Variants in CMSS1 observed in about 807,000 individuals in gnomAD.
CMSS1 encodes cms1 ribosomal small subunit homolog, also known as protein CMSS1.
A neutral mutation model predicts 43.5 loss-of-function variants in CMSS1; 33 were observed. The ratio of observed to expected loss-of-function variants is 0.76; its 90% CI spans 0.57 to 1.01. The LOEUF (loss-of-function observed/expected upper bound fraction) is 1.01. Ranked by LOEUF, CMSS1 falls within the 50% of genes least tolerant of loss-of-function variation. The pLI, the probability that CMSS1 is intolerant of heterozygous loss-of-function variation, is 0.00. For missense variants in CMSS1, 313 were observed against 326.4 expected (o/e 0.96, Z 0.32); for synonymous variants, 115 against 117.2 (o/e 0.98, Z 0.12).
chr3:100,025,529 G>A (rs992076196), intron 1 of CMSS1: 3 of 152,102 alleles, frequency 2.0e-5, no homozygotes, highest in East Asian at 1.9e-4. Flanking sequence ...ACGAAGGAAC[G>A]GGGAAAGATG....
chr3:100,106,812 A>G (rs1217822463), intron 1 of CMSS1, among the ~76,000 whole-genome samples: 2 of 152,142 alleles, frequency 1.3e-5, no homozygotes, highest in African/African-American at 2.4e-5. Flanking sequence ...TCCCTGTAGT[A>G]TGTTTTCATA....
intron 1 of CMSS1, among the ~76,000 whole-genome samples, chr3:100,004,871 G>A (rs1026855117): frequency 2.6e-5 from 4 of 152,168 alleles, no homozygotes; most frequent in African/African-American, 9.7e-5. Flanking sequence ...AGAGATTAGA[G>A]GCAGGAGAAT....
intron 1 of CMSS1, among the ~76,000 whole-genome samples, chr3:100,071,090 CTTTTTT>C (rs61563009): frequency 1.4e-3 from 102 of 70,584 alleles, no homozygotes; most frequent in African/African-American, 3.9e-3. Context: ...GCTACTCTCT[CTTTTTT>C]TTTTTTTTTT....
chr3:99,986,328 T>C (rs945581794), intron 1 of CMSS1, among the ~76,000 whole-genome samples: 2 of 152,184 alleles, frequency 1.3e-5, no homozygotes, highest in South Asian at 4.1e-4. Context: ...CTCCACTCCA[T>C]TGCCATAAAG....
chr3:99,959,302 A>T (rs1262223127), intron 1 of CMSS1, among the ~76,000 whole-genome samples: 3 of 152,272 alleles, frequency 2.0e-5, no homozygotes, highest in Middle Eastern at 3.4e-3. Flanking sequence ...GATGTGCAGC[A>T]CTGTGCCCAG....
At chr3:99,893,464 C>A (rs909655134) in intron 1 of CMSS1, among the ~76,000 whole-genome samples, 1 of 152,016 alleles carries the variant, frequency 6.6e-6, no homozygotes, top group East Asian at 1.9e-4. Context: ...CTCGCCCAGC[C>A]GGCATCTAGA....
chr3:100,150,083 T>C (rs1399913952), intron 2 of CMSS1, among the ~76,000 whole-genome samples: 2 of 152,066 alleles, frequency 1.3e-5, no homozygotes, highest in East Asian at 3.9e-4. Context: ...ATCCTCTCTC[T>C]CCCACTGCTC....
rs369022429 is a variant in CMSS1 at position 100,051,119 on chromosome 3, GAC to G, written c.65-95852_65-95851del. The G allele has an allele frequency of 1.2e-4, 18 of 152,046 alleles. 1 individual carries two copies. The East Asian group carries it at 3.5e-3, about 29-fold the overall frequency. 9.4% of individuals were successfully genotyped at this position (152,046 alleles called of 1,614,324 possible). A position where few individuals can be genotyped will look rare whatever the true frequency, so the allele number is the denominator to read the frequency against. On this transcript the variant is annotated intron_variant, in intron 1 of 9. Transcript: ENST00000421999. ...TTGAATAATATATACTTATTATAAA[GAC>G]AGTTGTTAAGATCAGTGAAACCCTT... is the stretch of plus-strand genomic sequence containing the variant.
chr3:99,979,854 T>C (rs1709069992), intron 1 of CMSS1, among the ~76,000 whole-genome samples: 1 of 152,140 alleles, frequency 6.6e-6, no homozygotes, highest in Non-Finnish European at 1.5e-5. Context: ...ATAGGTATAA[T>C]ATGAAGTTGA....
chr3:100,152,506 T>TA (rs1223669448), intron 2 of CMSS1, among the ~76,000 whole-genome samples: 3 of 152,166 alleles, frequency 2.0e-5, no homozygotes, highest in Admixed American at 6.5e-5. Context: ...GCAGCTTGTT[T>TA]AAAAAAATCT....
chr3:100,170,214 T>C (rs140314123), intron 6 of CMSS1, among the ~76,000 whole-genome samples: 87 of 152,346 alleles, frequency 5.7e-4, no homozygotes, highest in South Asian at 1.0e-3. Context: ...CATGATTCAC[T>C]ATTTTGCAAA....
intron 1 of CMSS1, among the ~76,000 whole-genome samples, chr3:99,865,755 AAT>A (rs57042892): frequency 1.0e-4 from 15 of 149,506 alleles, no homozygotes; most frequent in South Asian, 2.1e-4. Context: ...CATAATAATA[AAT>A]ATATATATAT....
At chr3:99,852,592 C>T (rs907476781) in intron 1 of CMSS1, among the ~76,000 whole-genome samples, 4 of 151,948 alleles carry the variant, frequency 2.6e-5, no homozygotes, top group African/African-American at 4.8e-5. Flanking sequence ...ATTATAGGCA[C>T]GCACCACCAC....
At chr3:99,918,671 A>G (rs1483143371) in intron 1 of CMSS1, among the ~76,000 whole-genome samples, 1 of 152,190 alleles carries the variant, frequency 6.6e-6, no homozygotes, top group Non-Finnish European at 1.5e-5. Context: ...GTCATGATGG[A>G]CGGTCCTAAA....
intron 1 of CMSS1, among the ~76,000 whole-genome samples, chr3:99,886,577 G>A (rs1447750097): frequency 6.6e-6 from 1 of 151,998 alleles, no homozygotes; most frequent in Non-Finnish European, 1.5e-5. Flanking sequence ...GGGGTAGATA[G>A]AACAAACAAA....
intron 2 of CMSS1, among the ~76,000 whole-genome samples, chr3:100,155,190 A>C (rs147219394): frequency 6.8e-4 from 104 of 152,146 alleles, no homozygotes; most frequent in African/African-American, 2.4e-3. Flanking sequence ...TTCCTCACCA[A>C]CTGCTGCCTC....
chr3:99,844,092 GTGTGGCTGACTGGGAGC>G (rs774291131), intron 1 of CMSS1, among the ~76,000 whole-genome samples: 112 of 148,858 alleles, frequency 7.5e-4, no homozygotes, highest in Non-Finnish European at 1.5e-3. Context: ...CCTCATGATT[GTGTGGCTGACTGGGAGC>G]TGTGGCTCAC....
intron 1 of CMSS1, among the ~76,000 whole-genome samples, chr3:99,966,969 G>T (rs1265909583): frequency 6.6e-6 from 1 of 152,158 alleles, no homozygotes; most frequent in African/African-American, 2.4e-5. Context: ...ATGCTATACA[G>T]GTGGGGGATT....
At chr3:100,147,603 T>C (rs1262083788) in intron 2 of CMSS1, among the ~76,000 whole-genome samples, 2 of 152,134 alleles carry the variant, frequency 1.3e-5, no homozygotes, top group Admixed American at 6.5e-5. Flanking sequence ...TAAATGCATT[T>C]CACAATAATA....
Sources: allele counts gnomAD v4.1 joint callset (sites outside exome capture counted in the v4.1 genomes callset), GRCh38; gene constraint gnomAD v4.1.1; transcripts MANE v1.5; gene names NCBI Gene and HGNC (gene_info 2026-07-23, HGNC 2026-07-21).